MBD5: variants seen among roughly 807,000 people sequenced by gnomAD.
MBD5 encodes methyl-CpG-binding domain protein 5.
Under a neutral mutation model 117.3 loss-of-function variants are expected in MBD5, and 13 were observed. The ratio of observed to expected loss-of-function variants is 0.11; its 90% CI spans 0.07 to 0.18. The LOEUF (loss-of-function observed/expected upper bound fraction) is 0.18. Ranked by LOEUF, MBD5 falls within the 10% of genes least tolerant of loss-of-function variation. The pLI, the probability that MBD5 is intolerant of heterozygous loss-of-function variation, is 1.00. For missense variants in MBD5, 1,879 were observed against 2,093.8 expected (o/e 0.90, Z 2.00); for synonymous variants, 727 against 766.4 (o/e 0.95, Z 0.85).
chr2:148,285,694 A>G (rs28594070), intron 3 of MBD5, among the ~76,000 whole-genome samples: 1,933 of 152,086 alleles, frequency 0.013, 38 homozygotes, highest in African/African-American at 0.044. Flanking sequence ...CCACATCACC[A>G]CTGTTAGTTG....
chr2:148,101,302 A>T (rs1696210524), intron 1 of MBD5, among the ~76,000 whole-genome samples: 1 of 152,030 alleles, frequency 6.6e-6, no homozygotes, highest in African/African-American at 2.4e-5. Context: ...TAAAATTAGA[A>T]TTTAAAAAAA....
At chr2:148,257,632 G>A (rs1264325527) in intron 3 of MBD5, among the ~76,000 whole-genome samples, 1 of 152,166 alleles carries the variant, frequency 6.6e-6, no homozygotes, top group Non-Finnish European at 1.5e-5. Context: ...AGAATCAGAG[G>A]TTAACATATC....
chr2:148,174,620 AC>A (rs1328987634), intron 1 of MBD5, among the ~76,000 whole-genome samples: 1 of 151,998 alleles, frequency 6.6e-6, no homozygotes, highest in African/African-American at 2.4e-5. Context: ...TTAAAAAAAA[AC>A]ATTAAAAATT....
chr2:148,380,632 C>G (rs2105431325), intron 4 of MBD5, among the ~76,000 whole-genome samples: 1 of 152,114 alleles, frequency 6.6e-6, no homozygotes, highest in Non-Finnish European at 1.5e-5. Flanking sequence ...AGTGGTTCTC[C>G]CAGCACGCAG....
chr2:148,511,812 A>G (rs1443902686), intron 13 of MBD5, among the ~76,000 whole-genome samples: 1 of 152,226 alleles, frequency 6.6e-6, no homozygotes, highest in African/African-American at 2.4e-5. Context: ...CATAAACATT[A>G]TTTAAAATTT....
intron 1 of MBD5, among the ~76,000 whole-genome samples, chr2:148,051,288 G>A (rs1307005044): frequency 1.3e-5 from 2 of 151,110 alleles, no homozygotes; most frequent in East Asian, 3.9e-4. Flanking sequence ...CATTTTTGCA[G>A]ACCTTATTAG....
chr2:148,024,322 A>G (rs975048988), intron 1 of MBD5, among the ~76,000 whole-genome samples: 10 of 152,224 alleles, frequency 6.6e-5, no homozygotes, highest in South Asian at 2.1e-4. Context: ...TGCACTTACA[A>G]TTAATCAGTA....
intron 1 of MBD5, among the ~76,000 whole-genome samples, chr2:148,159,900 G>A (rs746096111): frequency 6.4e-4 from 98 of 152,202 alleles, no homozygotes; most frequent in Non-Finnish European, 1.1e-3. Context: ...CAGGCAGTCT[G>A]AACTTGCACT....
At chr2:148,076,974 T>G (rs1695524773) in intron 1 of MBD5, among the ~76,000 whole-genome samples, 1 of 152,220 alleles carries the variant, frequency 6.6e-6, no homozygotes, top group Admixed American at 6.5e-5. Context: ...AAGAATGTCT[T>G]TCACATTTTT....
chr2:148,106,684 C>T (rs1696381106), intron 1 of MBD5, among the ~76,000 whole-genome samples: 1 of 151,522 alleles, frequency 6.6e-6, no homozygotes, highest in Non-Finnish European at 1.5e-5. Flanking sequence ...GTTTTCCCTT[C>T]TACTAGTTTG....
chr2:148,156,049 A>G (rs1019402889), intron 1 of MBD5, among the ~76,000 whole-genome samples: 2 of 152,246 alleles, frequency 1.3e-5, no homozygotes, highest in African/African-American at 4.8e-5. Context: ...GATACAGCAT[A>G]GGGGAAAGTG....
intron 4 of MBD5, among the ~76,000 whole-genome samples, chr2:148,409,275 C>A (rs1257965768): frequency 6.6e-6 from 1 of 151,716 alleles, no homozygotes; most frequent in South Asian, 2.1e-4. Context: ...GTAGCCCTAG[C>A]TACTCGGGAG....
At chr2:148,404,361 T>G (rs1216729192) in intron 4 of MBD5, among the ~76,000 whole-genome samples, 1 of 152,222 alleles carries the variant, frequency 6.6e-6, no homozygotes, top group East Asian at 1.9e-4. Flanking sequence ...TTGAATTATT[T>G]TAGTTCTGAG....
chr2:148,431,632 T>A lies in MBD5; in HGVS notation c.-556-26571T>A, dbSNP rs191246511. 2.0e-5 allele frequency among the ~76,000 whole-genome samples: 3 copies of A among 152,272 alleles called. No individual in the cohort carries two copies. The East Asian group carries it at 5.8e-4, about 29-fold the overall frequency. On this transcript the variant is annotated intron_variant, in intron 4 of 13. Coordinates refer to ENST00000642680, the MANE Select transcript of MBD5 (RefSeq NM_001378120.1). Reference sequence around the variant, plus strand: ...TAGCTTGCACTTATAAGTGAGAACATGTAGCATTTGGTTTACTCTTTCTGT... The same window carrying A: ...TAGCTTGCACTTATAAGTGAGAACAAGTAGCATTTGGTTTACTCTTTCTGT...
chr2:148,204,506 G>A (rs1699226715), intron 2 of MBD5, among the ~76,000 whole-genome samples: 1 of 152,156 alleles, frequency 6.6e-6, no homozygotes, highest in Non-Finnish European at 1.5e-5. Flanking sequence ...ACCAGGGAAA[G>A]TTGACCTAGA....
At position 148,490,006 on chromosome 2, in the gene MBD5, T is replaced by C; in HGVS notation, c.4374T>C (p.Ser1458=). 3.7e-6 allele frequency: 6 copies of C among 1,613,822 alleles called. No individual in the cohort carries two copies. Among genetic ancestry groups the C allele is most frequent in the Non-Finnish European group, 5.1e-6 (6 of 1,179,976 alleles). The stretch of plus-strand genomic sequence containing the variant: ...ATCATCCAGGCCATATCCACAGTAG[T>C]CCTTGTCATGAAAGGCCCAACAATG... ...FLDHPGHIHS[S]PCHERPNNVS... The change falls in exon 11 of 14, where the codon AGT becomes AGC. Residue 1458 remains serine (S), a synonymous_variant. Transcript: ENST00000642680.
At chr2:148,227,010 T>G (rs1379087590) in intron 2 of MBD5, among the ~76,000 whole-genome samples, 1 of 152,232 alleles carries the variant, frequency 6.6e-6, no homozygotes, top group Admixed American at 6.5e-5. Flanking sequence ...ATTCTGGATA[T>G]TAGCCCTTTG....
intron 4 of MBD5, among the ~76,000 whole-genome samples, chr2:148,427,595 C>T (rs1705841620): frequency 6.6e-6 from 1 of 151,794 alleles, no homozygotes; most frequent in East Asian, 1.9e-4. Context: ...ACAATGAAAA[C>T]ACATGGACAC....
rs886054906 is a variant in MBD5 at position 148,458,535 on chromosome 2, A to T, written c.-224A>T. 28 of 603,438 alleles carry T rather than the reference A, an allele frequency of 4.6e-5. No homozygotes were observed. The highest frequency in any genetic ancestry group is 7.4e-5 in the Non-Finnish European group (25 of 338,636). The allele number at this position is 603,438 out of a possible 1,614,324, so 37.4% of individuals were successfully genotyped here. The stretch of plus-strand genomic sequence containing the variant: ...CCATGTAGACCATCCTTAGGAATTA[A>T]ATATTGGTTATTTAATGTAGATTAT... On this transcript the variant is annotated 5_prime_UTR_variant, in exon 5 of 14. Transcript: ENST00000642680.
Sources: gnomAD v4.1 joint callset for allele counts (sites outside exome capture counted in the v4.1 genomes callset) on GRCh38, gnomAD v4.1.1 for gene constraint, MANE v1.5 for transcripts, NCBI Gene and HGNC (gene_info 2026-07-23, HGNC 2026-07-21) for gene names.